Variants in GOLGB1 observed in about 807,000 individuals in gnomAD.
GOLGB1 encodes the protein golgin subfamily B member 1.
GOLGB1 carries 174 observed loss-of-function variants against 336.9 expected under a neutral mutation model. That is an observed-to-expected ratio of 0.52 (90% CI 0.46 to 0.59). The LOEUF (loss-of-function observed/expected upper bound fraction) is 0.59. Ranked by LOEUF, GOLGB1 falls within the 20% of genes least tolerant of loss-of-function variation. The pLI is 0.00. For synonymous variants in GOLGB1, 1,208 were observed against 1,289.2 expected (o/e 0.94, Z 1.35); for missense variants, 3,331 against 3,645.3 (o/e 0.91, Z 2.22).
chr3:121,731,488 C>T (rs1946113268), intron 1 of GOLGB1, among the ~76,000 whole-genome samples: 2 of 151,964 alleles, frequency 1.3e-5, no homozygotes, highest in South Asian at 2.1e-4. Flanking sequence ...CTCAGCCTTT[C>T]GAGTAGCTGA....
chr3:121,698,929 T>G lies in GOLGB1; in HGVS notation c.1594A>C (p.Ile532Leu). ...TTGTTGGCAATATCAACAATGCTGA[T>G]CTATTTTTAAAAAAGAAAAAAAAAG... ...TGEADREVSE[I>L]SIVDIANKRS... The change falls in exon 13 of 22, where the codon ATC becomes CTC. Residue 532 changes from isoleucine (I) to leucine (L), a missense_variant and splice_region_variant. Coordinates refer to ENST00000614479, the MANE Select transcript of GOLGB1 (RefSeq NM_001366282.2). 1 of 1,523,358 alleles carries G rather than the reference T, an allele frequency of 6.6e-7. No individual in the cohort carries two copies. Among genetic ancestry groups the G allele is most frequent in the East Asian group, 2.3e-5 (1 of 43,676 alleles). The allele number at this position is 1,523,358 out of a possible 1,614,324, so 94.4% of individuals were successfully genotyped here.
At chr3:121,725,209 T>C (rs1481525206) in intron 5 of GOLGB1, among the ~76,000 whole-genome samples, 1 of 152,060 alleles carries the variant, frequency 6.6e-6, no homozygotes, top group East Asian at 1.9e-4. Context: ...ACCACTGCCA[T>C]ACCAGAACTA....
chr3:121,664,857 T>A (rs1938375731), intron 21 of GOLGB1, 69 bp downstream of exon 21: 3 of 961,554 alleles, frequency 3.1e-6, no homozygotes, highest in African/African-American at 1.6e-5. Context: ...TCTCCTCAGC[T>A]CCTTGCCCCC....
At chr3:121,737,638 C>G (rs1946571283) in intron 1 of GOLGB1, among the ~76,000 whole-genome samples, 1 of 139,716 alleles carries the variant, frequency 7.2e-6, no homozygotes, top group Non-Finnish European at 1.5e-5. Context: ...GGCAACAGAG[C>G]AAGACCGCGT....
chr3:121,683,034 T>G (rs2107680795), intron 14 of GOLGB1, among the ~76,000 whole-genome samples: 1 of 150,798 alleles, frequency 6.6e-6, no homozygotes, highest in East Asian at 1.9e-4. Context: ...GAAAGCTGCT[T>G]AAGAAGCAAT....
intron 18 of GOLGB1, 60 bp downstream of exon 18, chr3:121,669,152 T>G (rs1939127970): frequency 6.5e-7 from 1 of 1,543,522 alleles, no homozygotes; most frequent in Admixed American, 1.7e-5. Context: ...CTGTAGTGCT[T>G]CACCACTTGC....
intron 17 of GOLGB1, among the ~76,000 whole-genome samples, chr3:121,671,996 A>G (rs1939610782): frequency 6.6e-6 from 1 of 152,238 alleles, no homozygotes; most frequent in Non-Finnish European, 1.5e-5. Context: ...AAAGCTGAAT[A>G]ATATTCCCTT....
At chr3:121,668,672 CAAAAAA>C (rs138891151) in intron 18 of GOLGB1, among the ~76,000 whole-genome samples, 1 of 66,630 alleles carries the variant, frequency 1.5e-5, no homozygotes. Context: ...GACTCCGTCT[CAAAAAA>C]AAAAAAAAAA....
intron 14 of GOLGB1, among the ~76,000 whole-genome samples, chr3:121,689,690 T>G (rs1204112723): frequency 7.3e-5 from 11 of 151,432 alleles, no homozygotes; most frequent in African/African-American, 2.7e-4. Context: ...ATTCTGGGTA[T>G]GGGTCACATT....
At chr3:121,669,003 CCCA>C (rs1939110557) in intron 18 of GOLGB1, among the ~76,000 whole-genome samples, 1 of 152,182 alleles carries the variant, frequency 6.6e-6, no homozygotes, top group Non-Finnish European at 1.5e-5. Context: ...TGATTTCTCT[CCCA>C]CCATCTCACT....
intron 17 of GOLGB1, among the ~76,000 whole-genome samples, chr3:121,670,433 A>G (rs1200164861): frequency 4.6e-5 from 7 of 152,234 alleles, no homozygotes; most frequent in Non-Finnish European, 1.0e-4. Context: ...CATTTGATGC[A>G]AATAGAAAAT....
At chr3:121,666,980 C>T (rs1938715640) in intron 20 of GOLGB1, among the ~76,000 whole-genome samples, 1 of 152,204 alleles carries the variant, frequency 6.6e-6, no homozygotes, top group African/African-American at 2.4e-5. Flanking sequence ...TGAAGGAGGT[C>T]TACCTTGGCC....
intron 10 of GOLGB1, among the ~76,000 whole-genome samples, chr3:121,704,124 A>T (rs1477452307): frequency 6.6e-6 from 1 of 152,048 alleles, no homozygotes; most frequent in African/African-American, 2.4e-5. Flanking sequence ...AATAAAAAAA[A>T]TTGAAAAAAA....
rs896524853 is a variant in GOLGB1 at position 121,697,139 on chromosome 3, C to A, written c.3384G>T (p.Gln1128His). The change falls in exon 13 of 22, where the codon CAG (glutamine) becomes CAT (histidine). Residue 1128 changes from glutamine (Q) to histidine (H), a missense_variant. Coordinates refer to ENST00000614479, the MANE Select transcript of GOLGB1 (RefSeq NM_001366282.2). Reference protein sequence around the residue: ...AEISENQAIIQKLITSNTDAS... With the variant: ...AEISENQAIIHKLITSNTDAS... ...CATCCGTGTTACTTGTGATTAACTT[C>A]TGGATAATTGCTTGGTTTTCACTGA... 1 of 1,614,096 alleles carries A rather than the reference C, an allele frequency of 6.2e-7. No homozygotes were observed. The highest frequency in any genetic ancestry group is 8.5e-7 in the Non-Finnish European group (1 of 1,179,988).
At chr3:121,743,203 T>A (rs1207606440) in intron 1 of GOLGB1, among the ~76,000 whole-genome samples, 1 of 152,212 alleles carries the variant, frequency 6.6e-6, no homozygotes, top group Non-Finnish European at 1.5e-5. Flanking sequence ...TAGCAAAGAC[T>A]TGGAACCAAT....
chr3:121,729,644 T>C (rs773080984), intron 3 of GOLGB1, among the ~76,000 whole-genome samples: 14 of 152,070 alleles, frequency 9.2e-5, no homozygotes, highest in South Asian at 2.1e-4. Context: ...CTCGAACTCC[T>C]GGCCTCAAGA....
In GOLGB1 at chr3:121,744,525, A is replaced by G. The variant is rs563513562; in HGVS notation, c.-3+5107T>C. ...TCCCAGATATTCGGGAGGCTGAGGC[A>G]GGAGGATCACTTGAGCCCAGGAGTT... On this transcript the variant is annotated intron_variant, in intron 1 of 21. Coordinates refer to ENST00000614479, the MANE Select transcript of GOLGB1 (RefSeq NM_001366282.2). Among the ~76,000 whole-genome samples, 168 of 150,892 alleles carry G rather than the reference A, an allele frequency of 1.1e-3. 1 individual carries two copies. The highest frequency in any genetic ancestry group is 0.01 in the Admixed American group (159 of 15,166).
At chr3:121,714,262 A>C (rs1944583951) in intron 10 of GOLGB1, among the ~76,000 whole-genome samples, 1 of 152,366 alleles carries the variant, frequency 6.6e-6, no homozygotes, top group South Asian at 2.1e-4. Context: ...GACATTAGTC[A>C]ATTAAGAACA....
intron 17 of GOLGB1, among the ~76,000 whole-genome samples, chr3:121,673,415 T>G (rs1365801160): frequency 6.6e-6 from 1 of 152,170 alleles, no homozygotes. Context: ...GTTAGGAGTT[T>G]TTGTGGTTAC....
Sources: allele counts gnomAD v4.1 joint callset (sites outside exome capture counted in the v4.1 genomes callset), GRCh38; gene constraint gnomAD v4.1.1; transcripts MANE v1.5; gene names NCBI Gene and HGNC (gene_info 2026-07-23, HGNC 2026-07-21).